The following GUF1 variants were observed in gnomAD, a reference collection of about 807,000 sequenced individuals.
GUF1 encodes the protein translation factor GUF1, mitochondrial.
A neutral mutation model predicts 82.4 loss-of-function variants in GUF1; 78 were observed. The ratio of observed to expected loss-of-function variants is 0.95; its 90% CI spans 0.79 to 1.14. The LOEUF (loss-of-function observed/expected upper bound fraction) is 1.14, where lower values mean the gene tolerates loss of function less well. GUF1 is among the 50% of genes most tolerant of loss of function. The probability of loss-of-function intolerance (pLI) is 0.00; values close to 1 mark genes in which losing one functional copy is unlikely to be tolerated. For synonymous variants in GUF1, 279 were observed against 282.3 expected (o/e 0.99, Z 0.12); for missense variants, 814 against 798.2 (o/e 1.02, Z -0.24).
intron 11 of GUF1, 70 bp from the exon 12 acceptor site, chr4:44,690,647 T>G: frequency 1.1e-6 from 1 of 891,838 alleles, no homozygotes; most frequent in Non-Finnish European, 1.7e-6. Context: ...TTTTAAAATA[T>G]AAGGCAAACA....
chr4:44,685,959 A>T lies in GUF1; in HGVS notation c.670A>T (p.Ile224Phe). ...ATATTTTTCACATGTATCTTTTTAGATTTCTGCTAAACTTGGAACAAATGT... is the reference window on the plus strand; with the variant it reads ...ATATTTTTCACATGTATCTTTTTAGTTTTCTGCTAAACTTGGAACAAATGT... The part of the protein sequence containing the change: ...FDIPSDECIK[I>F]SAKLGTNVES... The change falls in exon 7 of 17, where the codon ATT becomes TTT. Residue 224 changes from isoleucine to phenylalanine, a missense_variant and splice_region_variant. Transcript: ENST00000281543. 6.3e-7 allele frequency: 1 copy of T among 1,593,466 alleles called. No individual in the cohort carries two copies. Among genetic ancestry groups the T allele is most frequent in the African/African-American group, 1.3e-5 (1 of 74,522 alleles).
chr4:44,686,865 T>C, intron 8 of GUF1, 152 bp downstream of exon 8: 1 of 598,594 alleles, frequency 1.7e-6, no homozygotes, highest in Non-Finnish European at 3.0e-6. Flanking sequence ...TGTCAAGGAA[T>C]CTCATGGGAA....
intron 15 of GUF1, among the ~76,000 whole-genome samples, chr4:44,696,962 G>C (rs926503580): frequency 3.3e-5 from 5 of 152,144 alleles, no homozygotes; most frequent in African/African-American, 1.2e-4. Flanking sequence ...CTGCTGGGGT[G>C]GATATATCAA....
intron 13 of GUF1, among the ~76,000 whole-genome samples, chr4:44,692,088 G>C (rs890081509): frequency 6.6e-6 from 1 of 151,742 alleles, no homozygotes; most frequent in African/African-American, 2.4e-5. Flanking sequence ...TGTCTGTTAA[G>C]AATTAGACCT....
rs370485454 is a variant in GUF1 at position 44,699,435 on chromosome 4, GCCTCCC to G, written c.*755_*760del. 1.3e-5 allele frequency: 2 copies of G among 152,314 alleles called. No homozygotes were observed. The highest frequency in any genetic ancestry group is 4.8e-5 in the African/African-American group (2 of 41,548). 9.4% of individuals were successfully genotyped at this position (152,314 alleles called of 1,614,324 possible). A position where few individuals can be genotyped will look rare whatever the true frequency, so the allele number is the denominator to read the frequency against. ...CTGACCTCGTGATCCACCCACCGTG[GCCTCCC>G]AAAGTGCTGATTACAGGTGTGAGCC... On this transcript the variant is annotated 3_prime_UTR_variant, in exon 17 of 17. Coordinates refer to ENST00000281543, the MANE Select transcript of GUF1 (RefSeq NM_021927.3).
At chr4:44,695,162 G>A (rs113259206) in intron 14 of GUF1, among the ~76,000 whole-genome samples, 2,213 of 152,170 alleles carry the variant, frequency 0.015, 51 homozygotes, top group African/African-American at 0.047. Context: ...ACAGCAGATT[G>A]GTTAAAATGA....
chr4:44,685,108 C>T (rs1714974608), intron 6 of GUF1, among the ~76,000 whole-genome samples: 1 of 152,102 alleles, frequency 6.6e-6, no homozygotes, highest in African/African-American at 2.4e-5. Context: ...TGATGGACAG[C>T]ATCAAGTAGT....
chr4:44,694,306 G>C (rs1173003903), intron 13 of GUF1, 106 bp from the exon 14 acceptor site: 1 of 697,110 alleles, frequency 1.4e-6, no homozygotes. Context: ...TATCTCTTTG[G>C]GGAGTGTAAT....
chr4:44,700,602 T>TG lies in GUF1; in HGVS notation c.*1924dup, dbSNP rs1397255978. On this transcript the variant is annotated 3_prime_UTR_variant, in exon 17 of 17. Coordinates refer to ENST00000281543, the MANE Select transcript of GUF1 (RefSeq NM_021927.3). Reference sequence around the variant, plus strand: ...AAACCAAGCTGTGCCCCAACCACCTTGGGCACATGTGGTGAGGACCTCCTG... The same window carrying TG: ...AAACCAAGCTGTGCCCCAACCACCTTGGGGCACATGTGGTGAGGACCTCCTG... 1 of 152,224 alleles carries TG rather than the reference T, an allele frequency of 6.6e-6. No individual in the cohort carries two copies. The highest frequency in any genetic ancestry group is 2.4e-5 in the African/African-American group (1 of 41,454). 9.4% of individuals were successfully genotyped at this position (152,224 alleles called of 1,614,324 possible).
chr4:44,689,276 G>T lies in GUF1; in HGVS notation c.1079-10G>T, dbSNP rs780447427. 6 of 1,562,708 alleles carry T rather than the reference G, an allele frequency of 3.8e-6. No homozygotes were observed. The highest frequency in any genetic ancestry group is 1.2e-5 in the South Asian group (1 of 83,162). On this transcript the variant is annotated splice_polypyrimidine_tract_variant and intron_variant, in intron 9 of 16. Coordinates refer to ENST00000281543, the MANE Select transcript of GUF1 (RefSeq NM_021927.3). Reference sequence around the variant, plus strand: ...TATCACGTGATAATTAGAAATCATTGTATCCCCAGGAATGTATCCTCTAGA... The same window carrying T: ...TATCACGTGATAATTAGAAATCATTTTATCCCCAGGAATGTATCCTCTAGA...
chr4:44,678,773 T>G lies in GUF1; in HGVS notation c.151T>G (p.Ser51Ala). The change falls in exon 1 of 17, where the codon TCC (serine) becomes GCC (alanine). Residue 51 changes from serine (S) to alanine (A), a missense_variant. Physicochemically the swap from Ser to Ala is moderately conservative, Grantham distance 99 (BLOSUM62 1). Transcript: ENST00000281543. ...CTGGGCTACCGACAGGCTCTACAGCTCCGCAGAATTCAAGGTGACTGCCCC... is the reference window on the plus strand; with the variant it reads ...CTGGGCTACCGACAGGCTCTACAGCGCCGCAGAATTCAAGGTGACTGCCCC... ...ESWATDRLYS[S>A]AEFKEKLDMS... The G allele has an allele frequency of 6.4e-7, 1 of 1,553,314 alleles. No individual in the cohort carries two copies. The highest frequency in any genetic ancestry group is 8.6e-7 in the Non-Finnish European group (1 of 1,156,710).
rs531336177 is a variant in GUF1, at chr4:44,682,574, A to T, written c.585+163A>T. 7.7e-6 allele frequency: 3 copies of T among 388,400 alleles called. No individual in the cohort carries two copies. The East Asian group carries it at 1.2e-4, about 16-fold the overall frequency. The allele number at this position is 388,400 out of a possible 1,614,324, so 24.1% of individuals were successfully genotyped here. A position where few individuals can be genotyped will look rare whatever the true frequency, so the allele number is the denominator to read the frequency against. On this transcript the variant is annotated intron_variant, in intron 5 of 16. Coordinates refer to ENST00000281543, the MANE Select transcript of GUF1 (RefSeq NM_021927.3). ...ATTGTATATAACAGAAGTGCAACTGAAACTCACCCTTGCACAGAATTGAGA... is the reference window on the plus strand; with the variant it reads ...ATTGTATATAACAGAAGTGCAACTGTAACTCACCCTTGCACAGAATTGAGA...
In GUF1 at chr4:44,699,629, C is replaced by A. The variant is rs1716092214; in HGVS notation, c.*948C>A. 5.3e-5 allele frequency: 8 copies of A among 152,120 alleles called. No individual in the cohort carries two copies. Among genetic ancestry groups the A allele is most frequent in the Admixed American group, 3.9e-4 (6 of 15,258 alleles). 9.4% of individuals were successfully genotyped at this position (152,120 alleles called of 1,614,324 possible). The stretch of plus-strand genomic sequence containing the variant: ...TAAGTTTAAAGGATTTTCAGAATCA[C>A]CTTAAGTGTCAAATTTGTTAGCAGG... On this transcript the variant is annotated 3_prime_UTR_variant, in exon 17 of 17. Transcript: ENST00000281543.
In GUF1 at chr4:44,695,610, C is replaced by T. The variant is rs368603274; in HGVS notation, c.1716-5C>T. 6.9e-6 allele frequency: 11 copies of T among 1,603,348 alleles called. No individual in the cohort carries two copies. The highest frequency in any genetic ancestry group is 8.5e-6 in the Non-Finnish European group (10 of 1,176,068). On this transcript the variant is annotated splice_region_variant and splice_polypyrimidine_tract_variant and intron_variant, in intron 14 of 16. Coordinates refer to ENST00000281543, the MANE Select transcript of GUF1 (RefSeq NM_021927.3). ...TATATAAACAGTTGTATTTTTCTGT[C>T]TCAGAGACAAAGCTCATTCAATTGG... is the stretch of plus-strand genomic sequence containing the variant.
At position 44,678,704 on chromosome 4, in the gene GUF1, C is replaced by G; in HGVS notation, c.82C>G (p.Pro28Ala). 1 of 1,508,042 alleles carries G rather than the reference C, an allele frequency of 6.6e-7. No homozygotes were observed. The allele number at this position is 1,508,042 out of a possible 1,614,324, so 93.4% of individuals were successfully genotyped here. Residue 28 changes from proline (P) to alanine (A), a missense_variant, in exon 1 of 17, where the codon CCG becomes GCG. Physicochemically the swap from Pro to Ala is conservative, Grantham distance 27. Transcript: ENST00000281543. ...CACTGGGGCCGCGCTTCTGGTGGCC[C>G]CGGGGCCCCGGTCCGCGCCGACCCT... ...RATGAALLVA[P>A]GPRSAPTLGA...
At chr4:44,694,591 G>A (rs1715669129) in intron 14 of GUF1, 78 bp downstream of exon 14, 2 of 914,450 alleles carry the variant, frequency 2.2e-6, no homozygotes, top group Non-Finnish European at 3.4e-6. Flanking sequence ...TTGAGCAGCT[G>A]CATTTAAAAA....
chr4:44,679,770 A>T (rs1029104246), intron 1 of GUF1, among the ~76,000 whole-genome samples: 4 of 110,134 alleles, frequency 3.6e-5, no homozygotes, highest in Non-Finnish European at 7.0e-5. Flanking sequence ...TTGGAAAAAA[A>T]TAGAGTACAA....
At position 44,697,445 on chromosome 4, in the gene GUF1, G is replaced by C. The variant is rs749905802; in HGVS notation, c.1872+1G>C. 1.9e-5 allele frequency: 29 copies of C among 1,530,534 alleles called. No individual in the cohort carries two copies. The highest frequency in any genetic ancestry group is 2.3e-5 in the Non-Finnish European group (26 of 1,115,710). 94.8% of individuals were successfully genotyped at this position (1,530,534 alleles called of 1,614,324 possible). A position where few individuals can be genotyped will look rare whatever the true frequency, so the allele number is the denominator to read the frequency against. ...TAGGAAAAACGTTTTGGCAAAATGT[G>C]TATGTATCTAGTTGTATTTATTCTA... is the stretch of plus-strand genomic sequence containing the variant. On this transcript the variant is annotated splice_donor_variant, in intron 16 of 16. Coordinates refer to ENST00000281543, the MANE Select transcript of GUF1 (RefSeq NM_021927.3). LOFTEE classifies it high-confidence loss of function.
At position 44,678,729 on chromosome 4, in the gene GUF1, TTGGG is replaced by T. The variant is rs1714586422; in HGVS notation, c.108_111del (p.Gly37LeufsTer47). 1 of 1,529,228 alleles carries T rather than the reference TTGGG, an allele frequency of 6.5e-7. No homozygotes were observed. The highest frequency in any genetic ancestry group is 1.5e-5 in the African/African-American group (1 of 68,646). 94.7% of individuals were successfully genotyped at this position (1,529,228 alleles called of 1,614,324 possible). A position where few individuals can be genotyped will look rare whatever the true frequency, so the allele number is the denominator to read the frequency against. On this transcript the variant is annotated frameshift_variant, in exon 1 of 17. Coordinates refer to ENST00000281543, the MANE Select transcript of GUF1 (RefSeq NM_021927.3). LOFTEE classifies it high-confidence loss of function. ...CCGGGGCCCCGGTCCGCGCCGACCC[TTGGG>T]GCTGCTCCAGAGTCCTGGGCTACCG...
Sources: allele counts gnomAD v4.1 joint callset (sites outside exome capture counted in the v4.1 genomes callset), GRCh38; gene constraint gnomAD v4.1.1; transcripts MANE v1.5; gene names NCBI Gene and HGNC (gene_info 2026-07-23, HGNC 2026-07-21).